The following PSMD1 variants were observed in gnomAD, a reference collection of about 807,000 sequenced individuals.
PSMD1 encodes the protein proteasome 26S subunit, non-ATPase 1.
PSMD1 carries 18 observed loss-of-function variants against 119.0 expected under a neutral mutation model. The ratio of observed to expected loss-of-function variants is 0.15; its 90% confidence interval spans 0.10 to 0.22. The LOEUF is 0.22. Ranked by LOEUF, PSMD1 falls within the 10% of genes least tolerant of loss-of-function variation. The pLI is 1.00. For missense variants in PSMD1, 702 were observed against 1,158.5 expected (o/e 0.61, Z 5.72); for synonymous variants, 374 against 396.6 (o/e 0.94, Z 0.68).
At chr2:231,167,775 A>C (rs1559256838) in intron 23 of PSMD1, among the ~76,000 whole-genome samples, 1 of 152,240 alleles carries the variant, frequency 6.6e-6, no homozygotes, top group African/African-American at 2.4e-5. Flanking sequence ...AGAACATACG[A>C]AAAGCTCCTC....
chr2:231,060,928 C>G (rs1693740450), intron 1 of PSMD1, among the ~76,000 whole-genome samples: 1 of 152,136 alleles, frequency 6.6e-6, no homozygotes, highest in African/African-American at 2.4e-5. Context: ...GTACTGGGCC[C>G]CATCCTCATA....
At chr2:231,079,898 T>C (rs758423040) in intron 11 of PSMD1, among the ~76,000 whole-genome samples, 26 of 152,066 alleles carry the variant, frequency 1.7e-4, no homozygotes, top group East Asian at 3.8e-4. Flanking sequence ...GCAAATGTTA[T>C]AAAACAAAGG....
intron 13 of PSMD1, among the ~76,000 whole-genome samples, chr2:231,083,230 C>T (rs918993318): frequency 6.6e-6 from 1 of 152,124 alleles, no homozygotes; most frequent in African/African-American, 2.4e-5. Flanking sequence ...CTTTTGCAAA[C>T]AGGAATTTAT....
chr2:231,123,390 CACAA>C lies in PSMD1; in HGVS notation c.1884-15340_1884-15337del, dbSNP rs141400649. 1,367 of 1,533,694 alleles carry C rather than the reference CACAA, an allele frequency of 8.9e-4. 8 individuals carry two copies. In the African/African-American group the frequency reaches 0.015, roughly 17 times the overall value. On this transcript the variant is annotated intron_variant, in intron 16 of 24. Coordinates refer to ENST00000308696, the MANE Select transcript of PSMD1 (RefSeq NM_002807.4). ...ATATCATAGTTCTGTGGTTTGATGG[CACAA>C]ACAAAGTGAAATACTTACCAAACAT...
intron 4 of PSMD1, among the ~76,000 whole-genome samples, chr2:231,063,482 A>G (rs1328153785): frequency 6.6e-6 from 1 of 152,208 alleles, no homozygotes; most frequent in Non-Finnish European, 1.5e-5. Context: ...CACATTGCTG[A>G]TTAGTAGAAG....
intron 8 of PSMD1, among the ~76,000 whole-genome samples, chr2:231,075,886 A>G: frequency 6.6e-6 from 1 of 152,224 alleles, no homozygotes; most frequent in East Asian, 1.9e-4. Flanking sequence ...CCAAGCCACC[A>G]TGCCCAGCGA....
At chr2:231,058,350 C>T (rs1693663374) in intron 1 of PSMD1, among the ~76,000 whole-genome samples, 1 of 152,174 alleles carries the variant, frequency 6.6e-6, no homozygotes, top group African/African-American at 2.4e-5. Context: ...CTCCGTACAG[C>T]CCGTTTTTCT....
intron 16 of PSMD1, among the ~76,000 whole-genome samples, chr2:231,088,935 A>G (rs1321514919): frequency 6.6e-6 from 1 of 152,236 alleles, no homozygotes; most frequent in Non-Finnish European, 1.5e-5. Flanking sequence ...GGAGAAAATT[A>G]ACAGTGCTAC....
chr2:231,111,192 A>G (rs1029387886), intron 16 of PSMD1, among the ~76,000 whole-genome samples: 2 of 151,982 alleles, frequency 1.3e-5, no homozygotes, highest in African/African-American at 4.8e-5. Context: ...GAACTCTTTG[A>G]CTCTAATTAT....
intron 16 of PSMD1, chr2:231,114,016 CTTTT>C: frequency 9.5e-7 from 1 of 1,047,876 alleles, no homozygotes; most frequent in South Asian, 1.3e-5. Context: ...CATCTTTTGT[CTTTT>C]TTGTTACTCA....
At chr2:231,089,730 A>G (rs377120798) in intron 16 of PSMD1, among the ~76,000 whole-genome samples, 6 of 152,272 alleles carry the variant, frequency 3.9e-5, no homozygotes, top group Admixed American at 1.3e-4. Flanking sequence ...TTGGAGTCCA[A>G]TGTTTGAAGG....
At chr2:231,166,250 G>T (rs571345863) in intron 23 of PSMD1, among the ~76,000 whole-genome samples, 1 of 152,266 alleles carries the variant, frequency 6.6e-6, no homozygotes, top group East Asian at 1.9e-4. Flanking sequence ...GACATACGAC[G>T]TAGGAGTTCC....
intron 16 of PSMD1, chr2:231,108,344 T>C: frequency 3.5e-6 from 2 of 572,680 alleles, no homozygotes; most frequent in Non-Finnish European, 6.1e-6. Context: ...ATTTTCCTCA[T>C]GGAATAATCT....
At chr2:231,093,025 G>T (rs570543514) in intron 16 of PSMD1, among the ~76,000 whole-genome samples, 6 of 152,310 alleles carry the variant, frequency 3.9e-5, no homozygotes, top group South Asian at 2.1e-4. Flanking sequence ...GACCCCACTG[G>T]GGGTAAGTCA....
intron 20 of PSMD1, among the ~76,000 whole-genome samples, chr2:231,162,790 G>A (rs2125268066): frequency 6.7e-6 from 1 of 149,380 alleles, no homozygotes; most frequent in Middle Eastern, 3.4e-3. Flanking sequence ...TTGCACCACT[G>A]CACTCCAGTC....
At chr2:231,086,976 T>C (rs1694467131) in intron 15 of PSMD1, 141 bp from the exon 16 acceptor site, 2 of 592,618 alleles carry the variant, frequency 3.4e-6, no homozygotes, top group Non-Finnish European at 6.0e-6. Flanking sequence ...TGTATATGTT[T>C]AGAGGTGTGC....
chr2:231,092,906 A>G (rs1037120404), intron 16 of PSMD1, among the ~76,000 whole-genome samples: 3 of 152,242 alleles, frequency 2.0e-5, no homozygotes, highest in Non-Finnish European at 4.4e-5. Flanking sequence ...GAGTTTGGGC[A>G]GGTACACAGT....
chr2:231,085,177 T>C (rs1694401409), intron 15 of PSMD1, 63 bp downstream of exon 15: 3 of 1,357,784 alleles, frequency 2.2e-6, no homozygotes, highest in Non-Finnish European at 2.1e-6. Flanking sequence ...GGACAATAAG[T>C]GTCTAGGTGA....
intron 16 of PSMD1, among the ~76,000 whole-genome samples, chr2:231,134,626 C>T (rs1024992771): frequency 6.6e-6 from 1 of 152,192 alleles, no homozygotes; most frequent in South Asian, 2.1e-4. Flanking sequence ...CATTATTCCT[C>T]TACACAAAAT....
Sources: gnomAD v4.1 joint callset for allele counts (sites outside exome capture counted in the v4.1 genomes callset) on GRCh38, gnomAD v4.1.1 for gene constraint, MANE v1.5 for transcripts, NCBI Gene and HGNC (gene_info 2026-07-23, HGNC 2026-07-21) for gene names.